SMIM35: variants seen among roughly 807,000 people sequenced by gnomAD.
SMIM35 encodes TMPRSS4 antisense RNA 1 (non-protein coding).
chr11:118,043,278 A>T (rs1351539924), intron 1 of SMIM35, among the ~76,000 whole-genome samples: 2 of 150,004 alleles, frequency 1.3e-5, no homozygotes, highest in African/African-American at 4.9e-5. Flanking sequence ...TTGGTAAAAC[A>T]TTTTTTTTTT....
intron 4 of SMIM35, among the ~76,000 whole-genome samples, chr11:118,010,332 G>C (rs932442965): frequency 2.0e-5 from 3 of 152,186 alleles, no homozygotes; most frequent in Non-Finnish European, 2.9e-5. Flanking sequence ...CATGGGACGA[G>C]ATCATTAAGA....
At chr11:118,049,239 G>T (rs1352038718) in intron 1 of SMIM35, among the ~76,000 whole-genome samples, 1 of 151,842 alleles carries the variant, frequency 6.6e-6, no homozygotes, top group African/African-American at 2.4e-5. Context: ...CCGGGAGACT[G>T]GTCCAAACAT....
chr11:118,069,999 T>G (rs1234628447), intron 1 of SMIM35, among the ~76,000 whole-genome samples: 1 of 152,068 alleles, frequency 6.6e-6, no homozygotes, highest in African/African-American at 2.4e-5. Flanking sequence ...AGGCGGAGGT[T>G]GCAGTGAGTC....
At chr11:118,044,457 G>C (rs542703930) in intron 1 of SMIM35, among the ~76,000 whole-genome samples, 1 of 151,882 alleles carries the variant, frequency 6.6e-6, no homozygotes, top group Admixed American at 6.6e-5. Flanking sequence ...TCATCCCACC[G>C]CCCATCTAAA....
At chr11:118,042,526 C>T (rs1175859171) in intron 1 of SMIM35, among the ~76,000 whole-genome samples, 1 of 152,182 alleles carries the variant, frequency 6.6e-6, no homozygotes, top group Non-Finnish European at 1.5e-5. Context: ...TTCTGCCAAA[C>T]ATTTAAAGAA....
chr11:118,023,457 A>C (rs1319301139), intron 1 of SMIM35, among the ~76,000 whole-genome samples: 2 of 150,752 alleles, frequency 1.3e-5, no homozygotes, highest in African/African-American at 2.4e-5. Flanking sequence ...GCACCCATTA[A>C]CTCGTCAGTT....
At chr11:118,019,962 A>G (rs1238360877) in intron 1 of SMIM35, among the ~76,000 whole-genome samples, 2 of 152,146 alleles carry the variant, frequency 1.3e-5, no homozygotes, top group African/African-American at 4.8e-5. Context: ...CTTAATTACT[A>G]TGGTCTCATA....
chr11:118,074,410 G>T (rs1944620074), intron 1 of SMIM35, among the ~76,000 whole-genome samples: 1 of 152,192 alleles, frequency 6.6e-6, no homozygotes, highest in Non-Finnish European at 1.5e-5. Flanking sequence ...GAAAGAAGCA[G>T]GCAGGACAGG....
chr11:118,026,230 C>T (rs1190328166), intron 1 of SMIM35, among the ~76,000 whole-genome samples: 1 of 152,130 alleles, frequency 6.6e-6, no homozygotes, highest in East Asian at 1.9e-4. Context: ...TAATGTGATG[C>T]CTGTGGTAAA....
At chr11:118,018,734 T>G (rs1591277503) in intron 1 of SMIM35, among the ~76,000 whole-genome samples, 1 of 152,194 alleles carries the variant, frequency 6.6e-6, no homozygotes, top group East Asian at 1.9e-4. Flanking sequence ...ATGTCTCCAC[T>G]GTTACTTTTT....
At chr11:118,010,402 T>C (rs1351208106) in intron 4 of SMIM35, among the ~76,000 whole-genome samples, 1 of 152,150 alleles carries the variant, frequency 6.6e-6, no homozygotes, top group Non-Finnish European at 1.5e-5. Context: ...CTCATCATGA[T>C]TTTGATCAAT....
At chr11:118,010,080 C>T (rs899591364) in intron 4 of SMIM35, among the ~76,000 whole-genome samples, 1 of 152,232 alleles carries the variant, frequency 6.6e-6, no homozygotes, top group Non-Finnish European at 1.5e-5. Context: ...CCCTGTGTCT[C>T]AAGCTTGACA....
chr11:118,029,841 A>T (rs755465269), intron 1 of SMIM35: 2 of 455,886 alleles, frequency 4.4e-6, no homozygotes, highest in South Asian at 3.1e-5. Flanking sequence ...CGCAGTCTTA[A>T]TGCTAGCATC....
chr11:118,007,479 T>C (rs1027886178), intron 4 of SMIM35, among the ~76,000 whole-genome samples: 4 of 152,104 alleles, frequency 2.6e-5, no homozygotes, highest in Non-Finnish European at 2.9e-5. Context: ...CACTGCAACC[T>C]CTGCCTCCTG....
chr11:118,074,748 GAAAAAAA>G (rs55685115), intron 1 of SMIM35, among the ~76,000 whole-genome samples: 1 of 135,644 alleles, frequency 7.4e-6, no homozygotes. Context: ...CCCTGTCTCA[GAAAAAAA>G]AAAAAAAAAA....
chr11:118,044,176 T>C (rs1005500297), intron 1 of SMIM35, among the ~76,000 whole-genome samples: 2 of 152,070 alleles, frequency 1.3e-5, no homozygotes, highest in African/African-American at 4.8e-5. Context: ...TGCAGATATG[T>C]AACACTCAAA....
chr11:118,046,241 A>C (rs1040566225), intron 1 of SMIM35, among the ~76,000 whole-genome samples: 2 of 152,218 alleles, frequency 1.3e-5, no homozygotes, highest in Admixed American at 1.3e-4. Context: ...AGGTGGGCAG[A>C]AACAGCCCCT....
intron 1 of SMIM35, among the ~76,000 whole-genome samples, chr11:118,044,372 G>A (rs963762557): frequency 6.7e-6 from 1 of 150,314 alleles, no homozygotes; most frequent in African/African-American, 2.4e-5. Flanking sequence ...TGAAGGTAAT[G>A]GTGGCATTAT....
intron 1 of SMIM35, chr11:118,067,526 G>A (rs1264624836): frequency 1.3e-5 from 2 of 151,794 alleles, no homozygotes; most frequent in East Asian, 1.9e-4. Context: ...GCAGCATAGC[G>A]ATACCCTGTC....
Sources: gnomAD v4.1 joint callset for allele counts (sites outside exome capture counted in the v4.1 genomes callset) on GRCh38, gnomAD v4.1.1 for gene constraint, MANE v1.5 for transcripts, NCBI Gene and HGNC (gene_info 2026-07-23, HGNC 2026-07-21) for gene names.